The following ATRNL1 variants were observed in gnomAD, a reference collection of about 807,000 sequenced individuals.
The protein encoded by ATRNL1 is attractin like 1, also known as attractin-like protein 1.
Under a neutral mutation model 182.7 loss-of-function variants are expected in ATRNL1, and 95 were observed. The observed-to-expected ratio is 0.52, with a 90% CI of 0.44 to 0.62. The LOEUF (loss-of-function observed/expected upper bound fraction) is 0.62, where lower values mean the gene tolerates loss of function less well. Among genes scored for constraint, ATRNL1 ranks in the 20% least tolerant of loss-of-function variants. The pLI is 0.00. For synonymous variants in ATRNL1, 576 were observed against 568.3 expected, an observed-to-expected ratio of 1.01 and a Z score of -0.19; for missense variants, 1,471 against 1,679.5, an observed-to-expected ratio of 0.88 and a Z score of 2.17.
chr10:115,270,454 T>C (rs1025956710), intron 13 of ATRNL1, among the ~76,000 whole-genome samples: 6 of 146,602 alleles, frequency 4.1e-5, no homozygotes, highest in South Asian at 2.1e-4. Flanking sequence ...TATATGTGTA[T>C]ATATATATAT....
chr10:115,123,820 G>T (rs1415004587), intron 3 of ATRNL1, among the ~76,000 whole-genome samples: 6 of 152,026 alleles, frequency 3.9e-5, no homozygotes, highest in African/African-American at 1.4e-4. Flanking sequence ...CAGATCAGCA[G>T]CGGCATTAGA....
At chr10:115,510,296 A>T (rs1850324182) in intron 24 of ATRNL1, among the ~76,000 whole-genome samples, 1 of 152,224 alleles carries the variant, frequency 6.6e-6, no homozygotes, top group South Asian at 2.1e-4. Context: ...AAGTTCTGTT[A>T]GTAAATTTTT....
intron 28 of ATRNL1, among the ~76,000 whole-genome samples, chr10:115,887,098 C>A (rs1441869827): frequency 6.6e-6 from 1 of 152,094 alleles, no homozygotes; most frequent in Non-Finnish European, 1.5e-5. Flanking sequence ...CATCATGGAC[C>A]CCACACCAGA....
intron 26 of ATRNL1, among the ~76,000 whole-genome samples, chr10:115,675,914 G>T (rs10885766): frequency 6.6e-6 from 1 of 152,006 alleles, no homozygotes; most frequent in Admixed American, 6.6e-5. Context: ...AGTCGAGATC[G>T]CAGGAATCCA....
At chr10:115,521,973 C>T (rs941827738) in intron 25 of ATRNL1, among the ~76,000 whole-genome samples, 5 of 152,174 alleles carry the variant, frequency 3.3e-5, no homozygotes, top group African/African-American at 2.4e-5. Flanking sequence ...GGTAACAGAG[C>T]TGAGTGCGTC....
intron 17 of ATRNL1, among the ~76,000 whole-genome samples, chr10:115,313,695 G>T (rs1273756902): frequency 2.0e-5 from 3 of 152,274 alleles, no homozygotes; most frequent in East Asian, 1.9e-4. Context: ...CTTAAGAAAA[G>T]ATAGTTTTAA....
intron 26 of ATRNL1, among the ~76,000 whole-genome samples, chr10:115,559,447 C>CGT (rs1853549521): frequency 8.7e-6 from 1 of 114,350 alleles, no homozygotes; most frequent in African/African-American, 3.5e-5. Flanking sequence ...TGTGTGTGCG[C>CGT]GCGCGCACGC....
chr10:115,394,952 A>T (rs1554955205), intron 20 of ATRNL1, among the ~76,000 whole-genome samples, 200 bp downstream of exon 20: 1 of 151,886 alleles, frequency 6.6e-6, no homozygotes, highest in African/African-American at 2.4e-5. Context: ...TTGGGATATG[A>T]TTGATCCCAT....
intron 24 of ATRNL1, among the ~76,000 whole-genome samples, chr10:115,489,408 C>T (rs1424292100): frequency 3.9e-5 from 6 of 152,016 alleles, no homozygotes; most frequent in African/African-American, 1.2e-4. Flanking sequence ...TCTGGGTGCT[C>T]CTGTATTGGG....
chr10:115,134,966 C>G (rs1845434641), intron 5 of ATRNL1, among the ~76,000 whole-genome samples: 1 of 152,012 alleles, frequency 6.6e-6, no homozygotes, highest in African/African-American at 2.4e-5. Flanking sequence ...GCAGAAAAGG[C>G]CTTTGACAAA....
intron 13 of ATRNL1, among the ~76,000 whole-genome samples, chr10:115,270,202 A>G (rs910148717): frequency 2.3e-4 from 33 of 146,144 alleles, no homozygotes; most frequent in Non-Finnish European, 4.3e-4. Context: ...GAATCTGTCT[A>G]TATATATATA....
rs1437487977 is a variant in ATRNL1, at chr10:115,230,919, GAGAA to G, written c.1533-10648_1533-10645del. On this transcript the variant is annotated intron_variant, in intron 9 of 28. Coordinates refer to ENST00000355044, the MANE Select transcript of ATRNL1 (RefSeq NM_207303.4). Reference sequence around the variant, plus strand: ...AGAGAGAGAGAGAGAGAGAGAGAGAGAGAAAGAGAGAAATAGTGAAAGATGAAGC... The same window carrying G: ...AGAGAGAGAGAGAGAGAGAGAGAGAGAGAGAGAAATAGTGAAAGATGAAGC... Among the ~76,000 whole-genome samples the G allele has an allele frequency of 2.5e-3, 304 of 120,724 alleles. 1 individual carries two copies. The highest frequency in any genetic ancestry group is 6.5e-3 in the African/African-American group (215 of 33,136). 79.2% of individuals were successfully genotyped at this position (120,724 alleles called of 152,430 possible).
At chr10:115,255,396 G>C (rs1851077104) in intron 10 of ATRNL1, among the ~76,000 whole-genome samples, 1 of 152,028 alleles carries the variant, frequency 6.6e-6, no homozygotes, top group Non-Finnish European at 1.5e-5. Flanking sequence ...TCTCTTTGTG[G>C]CAATGGCGAA....
At chr10:115,399,057 A>G (rs1273746637) in intron 20 of ATRNL1, among the ~76,000 whole-genome samples, 1 of 152,116 alleles carries the variant, frequency 6.6e-6, no homozygotes, top group Non-Finnish European at 1.5e-5. Flanking sequence ...GATAAAGCCT[A>G]CTTGATCATG....
At chr10:115,833,392 C>A (rs1487396668) in intron 27 of ATRNL1, among the ~76,000 whole-genome samples, 1 of 152,094 alleles carries the variant, frequency 6.6e-6, no homozygotes, top group East Asian at 1.9e-4. Flanking sequence ...CAATGTAGAA[C>A]CAGCCTGCAA....
At chr10:115,292,926 C>G (rs1392619673) in intron 15 of ATRNL1, among the ~76,000 whole-genome samples, 2 of 152,080 alleles carry the variant, frequency 1.3e-5, no homozygotes, top group Non-Finnish European at 2.9e-5. Context: ...CTGTCTAGAT[C>G]ATCTGTCCAA....
intron 5 of ATRNL1, among the ~76,000 whole-genome samples, chr10:115,144,579 C>A (rs1564771769): frequency 6.6e-6 from 1 of 152,178 alleles, no homozygotes. Flanking sequence ...AGACGTGAGC[C>A]ACCGTGCCTG....
intron 26 of ATRNL1, among the ~76,000 whole-genome samples, chr10:115,622,693 C>T (rs1015375858): frequency 6.6e-6 from 1 of 152,068 alleles, no homozygotes; most frequent in Non-Finnish European, 1.5e-5. Context: ...TTTGGGAGGC[C>T]GAGGCAGGTG....
chr10:115,099,725 G>C (rs1013017791), intron 1 of ATRNL1, among the ~76,000 whole-genome samples: 1 of 152,022 alleles, frequency 6.6e-6, no homozygotes, highest in African/African-American at 2.4e-5. Flanking sequence ...CTTGCCATCC[G>C]TATATCTTCT....
Sources: gnomAD v4.1 joint callset for allele counts (sites outside exome capture counted in the v4.1 genomes callset) on GRCh38, gnomAD v4.1.1 for gene constraint, MANE v1.5 for transcripts, NCBI Gene and HGNC (gene_info 2026-07-23, HGNC 2026-07-21) for gene names.